The following C3 variants were observed in gnomAD, a reference collection of about 807,000 sequenced individuals.
C3 encodes complement C3, also known as C3 and PZP-like alpha-2-macroglobulin domain-containing protein 1.
In C3, 97 loss-of-function variants were observed where a neutral mutation model predicts 207.9. The observed-to-expected ratio is 0.47, with a 90% CI of 0.40 to 0.55. The LOEUF is 0.55. Ranked by LOEUF, C3 falls within the 20% of genes least tolerant of loss-of-function variation. The probability of loss-of-function intolerance (pLI) is 0.00; values close to 1 mark genes in which losing one functional copy is unlikely to be tolerated. For synonymous variants in C3, 848 were observed against 857.6 expected (o/e 0.99, Z 0.20); for missense variants, 1,684 against 2,171.7 (o/e 0.78, Z 4.46).
chr19:6,681,885 A>T, intron 35 of C3, 56 bp downstream of exon 35: 1 of 1,257,912 alleles, frequency 7.9e-7, no homozygotes, highest in Non-Finnish European at 1.2e-6. Flanking sequence ...AAGACCAGCC[A>T]GATAGAGGTC....
At chr19:6,700,587 TATATA>T (rs1967643036) in intron 19 of C3, among the ~76,000 whole-genome samples, 1 of 38,050 alleles carries the variant, frequency 2.6e-5, no homozygotes, top group African/African-American at 1.6e-4. Flanking sequence ...ATATATGTAA[TATATA>T]ATATATGATA....
rs561512366 is a variant in C3 at position 6,693,156 on chromosome 19, G to C, written c.3231-73C>G. The C allele has an allele frequency of 4.8e-5, 75 of 1,547,420 alleles. No homozygotes were observed. The South Asian group carries it at 6.5e-4, about 13-fold the overall frequency. On this transcript the variant is annotated intron_variant, in intron 25 of 40. Coordinates refer to ENST00000245907, the MANE Select transcript of C3 (RefSeq NM_000064.4). ...CTGCCATGTCAACCAGCCAATGAGC[G>C]TGGGGGAGGGACCAGGGCCTGGCCC...
In C3 at chr19:6,719,386, G is replaced by T; in HGVS notation, c.92C>A (p.Pro31His). ...CTCGCTCTCCAGCCGCAAGATGTTG[G>T]GGGTGATGATAGAGTACCTGTCGGA... ...LGSPMYSIIT[P>H]NILRLESEET... Residue 31 changes from proline (P) to histidine (H), a missense_variant, in exon 2 of 41, where the codon CCC becomes CAC. This residue lies in a region of C3 where 58 missense variants were observed against 52.5 expected (regional missense o/e 1.10). Coordinates refer to ENST00000245907, the MANE Select transcript of C3 (RefSeq NM_000064.4). The surrounding 1 kb of genome is among the most constrained non-coding windows in gnomAD (Gnocchi z 5.4). The T allele has an allele frequency of 6.2e-7, 1 of 1,613,992 alleles. No individual in the cohort carries two copies. Among genetic ancestry groups the T allele is most frequent in the East Asian group, 2.2e-5 (1 of 44,888 alleles).
At chr19:6,689,323 ACCTACCTCCCTCCCTC>A (rs1463937289) in intron 27 of C3, among the ~76,000 whole-genome samples, 4 of 31,006 alleles carry the variant, frequency 1.3e-4, no homozygotes, top group African/African-American at 5.1e-4. Context: ...CTCTCTCTCT[ACCTACCTCCCTCCCTC>A]CCTCCCTCCC....
chr19:6,681,829 G>T, intron 35 of C3, 112 bp downstream of exon 35: 1 of 839,768 alleles, frequency 1.2e-6, no homozygotes, highest in Non-Finnish European at 2.1e-6. Flanking sequence ...TGTCTCCTCT[G>T]GCCCAGGGTT....
chr19:6,704,952 T>A (rs1967744049), intron 17 of C3, among the ~76,000 whole-genome samples: 1 of 150,822 alleles, frequency 6.6e-6, no homozygotes. Context: ...CTGCCCAGAC[T>A]GCTCTCAAAC....
Position 6,702,232 on chromosome 19 carries a change from G to C in C3, c.2355-20C>G. 1 of 1,496,318 alleles carries C rather than the reference G, an allele frequency of 6.7e-7. No homozygotes were observed. The highest frequency in any genetic ancestry group is 1.1e-5 in the South Asian group (1 of 88,770). 92.7% of individuals were successfully genotyped at this position (1,496,318 alleles called of 1,614,324 possible). The stretch of plus-strand genomic sequence containing the variant: ...GAGATTCTGGATGGAGAAGAGGTTG[G>C]GGTATTAGGAGATGTCATCTAGCAG... On this transcript the variant is annotated intron_variant, in intron 18 of 40. Coordinates refer to ENST00000245907, the MANE Select transcript of C3 (RefSeq NM_000064.4).
At chr19:6,684,499 G>T in intron 32 of C3, 60 bp from the exon 33 acceptor site, 2 of 1,574,302 alleles carry the variant, frequency 1.3e-6, no homozygotes, top group Non-Finnish European at 8.7e-7. Context: ...ATTCAGGAGC[G>T]GGGAAGACAT....
intron 11 of C3, 100 bp from the exon 12 acceptor site, chr19:6,711,296 G>A: frequency 1.1e-6 from 1 of 907,258 alleles, no homozygotes; most frequent in South Asian, 1.3e-5. Context: ...AACAAAAGGG[G>A]CTTTGCAGAT....
intron 27 of C3, 104 bp from the exon 28 acceptor site, chr19:6,687,006 G>A: frequency 8.4e-7 from 1 of 1,185,550 alleles, no homozygotes; most frequent in Non-Finnish European, 1.2e-6. Flanking sequence ...TTCTGTCCTT[G>A]GGACACACCT....
intron 38 of C3, 64 bp from the exon 39 acceptor site, chr19:6,678,519 T>C (rs748672252): frequency 4.8e-5 from 66 of 1,374,272 alleles, no homozygotes; most frequent in Non-Finnish European, 6.8e-5. Context: ...CACCCTGGTT[T>C]GCAAGTGCAC....
Position 6,689,325 on chromosome 19 carries a change from C to T in C3, c.3489+1304G>A, listed in dbSNP as rs1452628584. On this transcript the variant is annotated intron_variant, in intron 27 of 40. Coordinates refer to ENST00000245907, the MANE Select transcript of C3 (RefSeq NM_000064.4). ...TCTCTCTCTCTCTCTCTCTCTCTAC[C>T]TACCTCCCTCCCTCCCTCCCTCCCT... Among the ~76,000 whole-genome samples the T allele has an allele frequency of 3.4e-4, 19 of 55,124 alleles. No homozygotes were observed. In the East Asian group the frequency reaches 3.6e-3, roughly 10 times the overall value. The allele number at this position is 55,124 out of a possible 152,430, so 36.2% of individuals were successfully genotyped here.
rs1917877717 is a variant in C3, at chr19:6,682,031, C to A, written c.4261-1G>T. On this transcript the variant is annotated splice_acceptor_variant, in intron 34 of 40. Transcript: ENST00000245907. LOFTEE classifies it high-confidence loss of function. ...TGTATCTGTCAACACCATTGGCCAGCTGGGGAAAGGTGGAGCCTGTGAAAA... is the reference window on the plus strand; with the variant it reads ...TGTATCTGTCAACACCATTGGCCAGATGGGGAAAGGTGGAGCCTGTGAAAA... The A allele has an allele frequency of 6.2e-7, 1 of 1,613,844 alleles. No homozygotes were observed. The highest frequency in any genetic ancestry group is 8.5e-7 in the Non-Finnish European group (1 of 1,179,820).
At chr19:6,691,743 G>T (rs1918172202) in intron 26 of C3, among the ~76,000 whole-genome samples, 1 of 152,052 alleles carries the variant, frequency 6.6e-6, no homozygotes, top group Admixed American at 6.6e-5. Context: ...CCAGCACTTT[G>T]GGAGGCCAAG....
chr19:6,718,078 C>T lies in C3; in HGVS notation c.504+16G>A, dbSNP rs1436815422. The T allele has an allele frequency of 1.9e-6, 3 of 1,613,766 alleles. No individual in the cohort carries two copies. Among genetic ancestry groups the T allele is most frequent in the Non-Finnish European group, 2.5e-6 (3 of 1,179,720 alleles). On this transcript the variant is annotated intron_variant, in intron 4 of 40. Coordinates refer to ENST00000245907, the MANE Select transcript of C3 (RefSeq NM_000064.4). ...CCTGTGCCCCTGCTTCCCCTGGGGC[C>T]CCCTCTGGCTGGCACCTCAATGTTG... is the stretch of plus-strand genomic sequence containing the variant.
At chr19:6,703,172 C>T (rs1967710161) in intron 17 of C3, among the ~76,000 whole-genome samples, 1 of 152,034 alleles carries the variant, frequency 6.6e-6, no homozygotes, top group Admixed American at 6.6e-5. Flanking sequence ...GATGAATTTT[C>T]ACGAGCCCCA....
rs770744810 is a variant in C3 at position 6,683,446 on chromosome 19, A to ATTTTTTTTTTT, written c.4172+931_4172+941dup. ...CTGTATCTTTATTTTGTTTTATTCTATTTTTTTTTTTTTTTTTTTTTTGAG... is the reference window on the plus strand; with the variant it reads ...CTGTATCTTTATTTTGTTTTATTCTATTTTTTTTTTTTTTTTTTTTTTTTTTTTTTTTTGAG... On this transcript the variant is annotated intron_variant, in intron 33 of 40. Coordinates refer to ENST00000245907, the MANE Select transcript of C3 (RefSeq NM_000064.4). 32 of 93,428 alleles carry ATTTTTTTTTTT rather than the reference A, an allele frequency of 3.4e-4. 1 individual carries two copies. The highest frequency in any genetic ancestry group is 7.6e-4 in the South Asian group (2 of 2,644). 5.8% of individuals were successfully genotyped at this position (93,428 alleles called of 1,614,324 possible). A position where few individuals can be genotyped will look rare whatever the true frequency, so the allele number is the denominator to read the frequency against.
chr19:6,688,488 T>C (rs1279369891), intron 27 of C3, among the ~76,000 whole-genome samples: 2 of 152,038 alleles, frequency 1.3e-5, no homozygotes, highest in East Asian at 1.9e-4. Context: ...TTCCTGGAAA[T>C]TTAACACTGG....
At chr19:6,708,301 T>A (rs1967828284) in intron 14 of C3, among the ~76,000 whole-genome samples, 1 of 152,016 alleles carries the variant, frequency 6.6e-6, no homozygotes, top group African/African-American at 2.4e-5. Flanking sequence ...CATGCCCAGC[T>A]AATTTTTATA....
Sources: allele counts gnomAD v4.1 joint callset (sites outside exome capture counted in the v4.1 genomes callset), GRCh38; gene constraint gnomAD v4.1.1; regional missense constraint gnomAD v4.1.1; non-coding constraint Gnocchi (gnomAD v3.1); transcripts MANE v1.5; gene names NCBI Gene and HGNC (gene_info 2026-07-23, HGNC 2026-07-21).